CEP83: variants seen among roughly 807,000 people sequenced by gnomAD.
CEP83 encodes centrosomal protein 83.
In CEP83, 70 loss-of-function variants were observed where a neutral mutation model predicts 101.9. That is an observed-to-expected ratio of 0.69 (90% CI 0.57 to 0.84). The LOEUF (loss-of-function observed/expected upper bound fraction) is 0.84. Ranked by LOEUF, CEP83 falls within the 40% of genes least tolerant of loss-of-function variation. CEP83 has a pLI of 0.00. For synonymous variants in CEP83, 264 were observed against 267.9 expected, an observed-to-expected ratio of 0.99 and a Z score of 0.14; for missense variants, 715 against 787.2, an observed-to-expected ratio of 0.91 and a Z score of 1.10.
At chr12:94,432,335 T>G (rs574639973) in intron 2 of CEP83, among the ~76,000 whole-genome samples, 1 of 152,276 alleles carries the variant, frequency 6.6e-6, no homozygotes, top group African/African-American at 2.4e-5. Context: ...GTACTGGGAT[T>G]ACAGGCATCA....
the CEP83 span, among the ~76,000 whole-genome samples, chr12:94,271,998 G>C: frequency 2.6e-5 from 4 of 152,130 alleles, no homozygotes; most frequent in Admixed American, 1.3e-4. Flanking sequence ...GTATCCCATT[G>C]GGCAGATGTG....
At chr12:94,437,477 G>T (rs1186870805) in intron 1 of CEP83, among the ~76,000 whole-genome samples, 1 of 152,232 alleles carries the variant, frequency 6.6e-6, no homozygotes. Context: ...CTTAACAGCT[G>T]TGAGGCAAAA....
At chr12:94,430,201 A>G (rs1331875652) in intron 2 of CEP83, among the ~76,000 whole-genome samples, 1 of 152,176 alleles carries the variant, frequency 6.6e-6, no homozygotes, top group South Asian at 2.1e-4. Flanking sequence ...CCACCCAGCT[A>G]CTAACATCAC....
intron 1 of CEP83, among the ~76,000 whole-genome samples, chr12:94,453,926 G>A (rs756622219): frequency 2.0e-5 from 3 of 151,984 alleles, no homozygotes; most frequent in Non-Finnish European, 4.4e-5. Flanking sequence ...GTGAAATTCC[G>A]TCTCTCTTAA....
intron 14 of CEP83, among the ~76,000 whole-genome samples, chr12:94,329,157 T>C (rs2059100086): frequency 6.6e-6 from 1 of 152,132 alleles, no homozygotes; most frequent in African/African-American, 2.4e-5. Flanking sequence ...AAAATGACTA[T>C]CTACTATCTT....
chr12:94,421,923 A>G (rs1218559740), intron 2 of CEP83, among the ~76,000 whole-genome samples: 1 of 152,250 alleles, frequency 6.6e-6, no homozygotes, highest in Non-Finnish European at 1.5e-5. Flanking sequence ...AAATTTACTC[A>G]AAGACCTGTG....
chr12:94,305,887 T>C, downstream of CEP83: 1 of 152,284 alleles, frequency 6.6e-6, no homozygotes, highest in East Asian at 1.9e-4. Flanking sequence ...TTGAAAGGGC[T>C]CGTGTTTTTC....
intron 2 of CEP83, chr12:94,424,238 A>T: frequency 6.2e-7 from 1 of 1,613,776 alleles, no homozygotes; most frequent in East Asian, 2.2e-5. Flanking sequence ...CATGATGCCC[A>T]TGTCTCCATT....
intron 6 of CEP83, among the ~76,000 whole-genome samples, chr12:94,388,518 C>A (rs186121886): frequency 1.3e-5 from 2 of 151,920 alleles, no homozygotes; most frequent in Admixed American, 1.3e-4. Context: ...TCTTTATTAC[C>A]CCAAAGTTCT....
intron 1 of CEP83, among the ~76,000 whole-genome samples, chr12:94,454,990 A>T (rs543833112): frequency 6.6e-6 from 1 of 152,130 alleles, no homozygotes; most frequent in Admixed American, 6.5e-5. Context: ...CAGAAGGAAG[A>T]AACTCCGGAC....
intron 6 of CEP83, among the ~76,000 whole-genome samples, chr12:94,388,799 C>T (rs2062326212): frequency 1.3e-5 from 2 of 152,062 alleles, no homozygotes; most frequent in African/African-American, 2.4e-5. Context: ...ATGTAAAAAG[C>T]TTCTTTACAA....
At chr12:94,295,527 C>T in the CEP83 span, among the ~76,000 whole-genome samples, 1 of 152,126 alleles carries the variant, frequency 6.6e-6, no homozygotes, top group African/African-American at 2.4e-5. Context: ...CGTGGGCCCT[C>T]CAGTCAGTCA....
intron 11 of CEP83, among the ~76,000 whole-genome samples, chr12:94,359,746 A>T (rs976204455): frequency 1.7e-4 from 26 of 152,172 alleles, no homozygotes; most frequent in Admixed American, 1.6e-3. Flanking sequence ...CTATTCCAAA[A>T]AATTGAAAGG....
chr12:94,456,559 G>A (rs143473951), intron 1 of CEP83, among the ~76,000 whole-genome samples: 62 of 152,286 alleles, frequency 4.1e-4, no homozygotes, highest in African/African-American at 1.3e-3. Flanking sequence ...TTACAATCAT[G>A]GCAGAAGGTG....
At chr12:94,369,820 T>A in intron 9 of CEP83, 102 bp downstream of exon 9, 1 of 666,834 alleles carries the variant, frequency 1.5e-6, no homozygotes, top group South Asian at 2.1e-5. Flanking sequence ...TAAATTAAGT[T>A]GAAAATTTGG....
At chr12:94,400,034 T>A (rs1229996615) in intron 6 of CEP83, among the ~76,000 whole-genome samples, 1 of 152,196 alleles carries the variant, frequency 6.6e-6, no homozygotes, top group African/African-American at 2.4e-5. Flanking sequence ...CTGTAAATAT[T>A]TAGTAATTGG....
the CEP83 span, among the ~76,000 whole-genome samples, chr12:94,265,706 A>G: frequency 6.6e-6 from 1 of 152,226 alleles, no homozygotes; most frequent in African/African-American, 2.4e-5. Flanking sequence ...GATTAGTTAC[A>G]AATGTTTGGT....
chr12:94,412,459 G>T lies in CEP83; in HGVS notation c.32C>A (p.Thr11Asn). 6.2e-7 allele frequency: 1 copy of T among 1,612,934 alleles called. No homozygotes were observed. Among genetic ancestry groups the T allele is most frequent in the South Asian group, 1.1e-5 (1 of 90,810 alleles). MVVSTFTDMD[T>N]FPNNFPPGGD... is the part of the protein sequence containing the mutation. ...ACCAGGAGGAAAATTATTGGGAAAA[G>T]TGTCCATATCGGTAAATGTGCTGAC... Residue 11 changes from threonine to asparagine, a missense_variant, in exon 3 of 17, where the codon ACT becomes AAT. Physicochemically the swap from Thr to Asn is moderately conservative, Grantham distance 65. Coordinates refer to ENST00000397809, the MANE Select transcript of CEP83 (RefSeq NM_016122.3).
chr12:94,349,622 A>T (rs2060110407), intron 11 of CEP83, among the ~76,000 whole-genome samples: 1 of 152,252 alleles, frequency 6.6e-6, no homozygotes, highest in Admixed American at 6.5e-5. Context: ...ACACTACCTC[A>T]ACATAATAAA....
Sources: gnomAD v4.1 joint callset for allele counts (sites outside exome capture counted in the v4.1 genomes callset) on GRCh38, gnomAD v4.1.1 for gene constraint, MANE v1.5 for transcripts, NCBI Gene and HGNC (gene_info 2026-07-23, HGNC 2026-07-21) for gene names.